WDTC1: variants seen among roughly 807,000 people sequenced by gnomAD.
The protein encoded by WDTC1 is WD and tetratricopeptide repeats 1.
A neutral mutation model predicts 76.0 loss-of-function variants in WDTC1; 12 were observed. That is an observed-to-expected ratio of 0.16 (90% CI 0.10 to 0.26). The LOEUF is 0.26. Among genes scored for constraint, WDTC1 ranks in the 10% least tolerant of loss-of-function variants. The pLI is 1.00. For synonymous variants in WDTC1, 326 were observed against 350.8 expected, an observed-to-expected ratio of 0.93 and a Z score of 0.79; for missense variants, 511 against 908.8, an observed-to-expected ratio of 0.56 and a Z score of 5.63.
At chr1:27,235,655 C>T (rs2011479274) in intron 1 of WDTC1, among the ~76,000 whole-genome samples, 1 of 152,026 alleles carries the variant, frequency 6.6e-6, no homozygotes, top group Admixed American at 6.6e-5. Context: ...TGGGACGCCC[C>T]TTTGCCAGAT....
At chr1:27,286,104 C>T (rs1419383798) in intron 5 of WDTC1, among the ~76,000 whole-genome samples, 3 of 144,200 alleles carry the variant, frequency 2.1e-5, no homozygotes, top group African/African-American at 7.7e-5. Context: ...CTCCCGGCTT[C>T]AAGTGATTCT....
chr1:27,286,008 T>G (rs1173052424), intron 5 of WDTC1, among the ~76,000 whole-genome samples: 10 of 142,478 alleles, frequency 7.0e-5, no homozygotes, highest in South Asian at 6.9e-4. Flanking sequence ...TTTTTTTTTT[T>G]TTTTTTTTTT....
intron 1 of WDTC1, among the ~76,000 whole-genome samples, chr1:27,248,743 G>A (rs1046238612): frequency 3.3e-5 from 5 of 152,010 alleles, no homozygotes; most frequent in East Asian, 1.9e-4. Context: ...CACTGTAGCC[G>A]AAACCTCCTG....
At chr1:27,269,618 TCG>T (rs1469728836) in intron 3 of WDTC1, among the ~76,000 whole-genome samples, 3 of 138,460 alleles carry the variant, frequency 2.2e-5, no homozygotes, top group African/African-American at 5.6e-5. Flanking sequence ...TTTTTTTTTT[TCG>T]GTTTTTTTTT....
chr1:27,292,832 G>C (rs2013574691), intron 7 of WDTC1, among the ~76,000 whole-genome samples: 1 of 139,588 alleles, frequency 7.2e-6, no homozygotes, highest in Non-Finnish European at 1.5e-5. Context: ...CACAATCTCA[G>C]CTCACTGCAA....
rs180769473 is a variant in WDTC1, at chr1:27,303,836, C to A, written c.1643+41C>A. On this transcript the variant is annotated intron_variant, in intron 14 of 15. Transcript: ENST00000319394. The surrounding 1 kb of genome is among the most constrained non-coding windows in gnomAD (Gnocchi z 4.8). ...GAGGAGGGTGCAGCCCAGTTGGCAGCGGGAGGTTGAGTGGGGAGTGTTGGG... is the reference window on the plus strand; with the variant it reads ...GAGGAGGGTGCAGCCCAGTTGGCAGAGGGAGGTTGAGTGGGGAGTGTTGGG... 11 of 1,606,874 alleles carry A rather than the reference C, an allele frequency of 6.8e-6. No homozygotes were observed. Among genetic ancestry groups the A allele is most frequent in the Non-Finnish European group, 7.6e-6 (9 of 1,177,210 alleles).
Position 27,301,174 on chromosome 1 carries a change from C to A in WDTC1, c.1233-52C>A, listed in dbSNP as rs944077905. On this transcript the variant is annotated intron_variant, in intron 12 of 15. Transcript: ENST00000319394. The surrounding 1 kb of genome is among the most constrained non-coding windows in gnomAD (Gnocchi z 5.8). ...AAGCAGAGGAGACTGAATGGGGACCCCTTGCTTGCCACGTGGCTCCACCTC... is the reference window on the plus strand; with the variant it reads ...AAGCAGAGGAGACTGAATGGGGACCACTTGCTTGCCACGTGGCTCCACCTC... The A allele has an allele frequency of 2.8e-5, 44 of 1,561,238 alleles. 1 individual carries two copies. In the East Asian group the frequency reaches 7.5e-4, roughly 27 times the overall value.
At chr1:27,234,519 T>A, upstream of WDTC1, 1 of 341,846 alleles carries the variant, frequency 2.9e-6, no homozygotes, top group East Asian at 4.2e-5. Flanking sequence ...GGGGGGTAAG[T>A]GGGGGGGCCC....
chr1:27,263,919 C>T (rs777002305), intron 3 of WDTC1, among the ~76,000 whole-genome samples: 9 of 151,638 alleles, frequency 5.9e-5, no homozygotes, highest in Non-Finnish European at 1.0e-4. Context: ...ATAATGTATA[C>T]GTGCACACAC....
At chr1:27,276,179 A>G (rs974208341) in intron 3 of WDTC1, among the ~76,000 whole-genome samples, 8 of 152,220 alleles carry the variant, frequency 5.3e-5, no homozygotes, top group African/African-American at 1.9e-4. Context: ...TAATGCTGCT[A>G]TGAACCTTCA....
intron 1 of WDTC1, among the ~76,000 whole-genome samples, chr1:27,242,307 A>G (rs1244681792): frequency 6.6e-6 from 1 of 152,136 alleles, no homozygotes; most frequent in Non-Finnish European, 1.5e-5. Context: ...CTCTACAAAA[A>G]ATAAAAATAA....
intron 3 of WDTC1, among the ~76,000 whole-genome samples, chr1:27,271,286 C>G (rs2012861604): frequency 6.6e-6 from 1 of 152,074 alleles, no homozygotes; most frequent in Admixed American, 6.6e-5. Context: ...GTGATCTTGG[C>G]TCACTGCAAC....
At chr1:27,261,245 C>T in intron 2 of WDTC1, 143 bp downstream of exon 2, 1 of 837,702 alleles carries the variant, frequency 1.2e-6, no homozygotes, top group Non-Finnish European at 1.9e-6. Context: ...GGACTAGAAT[C>T]AAGGTCTCTT....
Position 27,287,659 on chromosome 1 carries a change from A to G in WDTC1, c.292-15A>G. Reference sequence around the variant, plus strand: ...ACTCTTACCACCCACCCCTTCCTCCATTTCTCCTATATAGTTCCTGCCTCA... The same window carrying G: ...ACTCTTACCACCCACCCCTTCCTCCGTTTCTCCTATATAGTTCCTGCCTCA... On this transcript the variant is annotated splice_polypyrimidine_tract_variant and intron_variant, in intron 5 of 15. Transcript: ENST00000319394. The G allele has an allele frequency of 6.2e-7, 1 of 1,608,220 alleles. No individual in the cohort carries two copies.
intron 1 of WDTC1, among the ~76,000 whole-genome samples, chr1:27,238,502 CAG>C (rs2147895632): frequency 1.3e-5 from 2 of 151,974 alleles, no homozygotes; most frequent in African/African-American, 4.8e-5. Context: ...TTCTTTGAGA[CAG>C]AGTCTTACTT....
intron 12 of WDTC1, among the ~76,000 whole-genome samples, chr1:27,299,658 G>A (rs1339670825): frequency 3.3e-5 from 5 of 152,056 alleles, no homozygotes; most frequent in African/African-American, 9.7e-5. Flanking sequence ...GCCTGGGGCC[G>A]GCCTAGGGAG....
chr1:27,287,898 C>T (rs1461309167), intron 6 of WDTC1, 37 bp downstream of exon 6: 1 of 1,591,018 alleles, frequency 6.3e-7, no homozygotes, highest in Admixed American at 1.8e-5. Context: ...CCTGTCGCTC[C>T]CCCATCCCAT....
intron 5 of WDTC1, among the ~76,000 whole-genome samples, chr1:27,284,373 T>C (rs1294841510): frequency 6.6e-6 from 1 of 152,198 alleles, no homozygotes. Context: ...AATGAAGTTG[T>C]CCTTCGGAAA....
chr1:27,292,344 G>C lies in WDTC1; in HGVS notation c.609G>C (p.Gly203=), dbSNP rs761300650. 6.2e-7 allele frequency: 1 copy of C among 1,611,628 alleles called. No individual in the cohort carries two copies. The highest frequency in any genetic ancestry group is 1.7e-5 in the Admixed American group (1 of 59,696). Residue 203 remains glycine (G), a synonymous_variant, in exon 7 of 16, where the codon GGG becomes GGC. Coordinates refer to ENST00000319394, the MANE Select transcript of WDTC1 (RefSeq NM_001276252.2). ...AGGACAACAACTGCCTGGCAGTTGG[G>C]GCCAGCGGGCCCTTCGTGAGGCTCT... The part of the protein sequence containing the change: ...NPQDNNCLAV[G]ASGPFVRLYD...
Sources: gnomAD v4.1 joint callset for allele counts (sites outside exome capture counted in the v4.1 genomes callset) on GRCh38, gnomAD v4.1.1 for gene constraint, Gnocchi (gnomAD v3.1) non-coding constraint, MANE v1.5 for transcripts, NCBI Gene and HGNC (gene_info 2026-07-23, HGNC 2026-07-21) for gene names.